The following LRRC28 variants were observed in gnomAD, a reference collection of about 807,000 sequenced individuals.
LRRC28 encodes the protein leucine rich repeat containing 28, also known as leucine-rich repeat-containing protein 28.
Under a neutral mutation model 45.7 loss-of-function variants are expected in LRRC28, and 39 were observed. That is an observed-to-expected ratio of 0.85 (90% CI 0.66 to 1.12). The LOEUF (loss-of-function observed/expected upper bound fraction) is 1.12, where lower values mean the gene tolerates loss of function less well. LRRC28 is among the 50% of genes most tolerant of loss of function. The pLI, the probability that LRRC28 is intolerant of heterozygous loss-of-function variation, is 0.00. For missense variants in LRRC28, 435 were observed against 438.5 expected, an observed-to-expected ratio of 0.99 and a Z score of 0.07; for synonymous variants, 206 against 178.8, an observed-to-expected ratio of 1.15 and a Z score of -1.22.
chr15:99,268,104 A>T (rs2152143431), intron 2 of LRRC28, among the ~76,000 whole-genome samples: 1 of 152,294 alleles, frequency 6.6e-6, no homozygotes, highest in African/African-American at 2.4e-5. Flanking sequence ...AATTCTGTAG[A>T]TATTTATTGA....
intron 9 of LRRC28, among the ~76,000 whole-genome samples, chr15:99,381,489 A>G (rs186065780): frequency 3.1e-4 from 47 of 152,228 alleles, no homozygotes; most frequent in Admixed American, 6.5e-4. Context: ...TTCCTCCTTT[A>G]GCTTGGAGAA....
rs931936755 is a variant in LRRC28 at position 99,389,133 on chromosome 15, A to T, written c.*3031A>T. The T allele has an allele frequency of 6.6e-6, 1 of 152,184 alleles. No homozygotes were observed. The highest frequency in any genetic ancestry group is 1.5e-5 in the Non-Finnish European group (1 of 68,028). 9.4% of individuals were successfully genotyped at this position (152,184 alleles called of 1,614,324 possible). A position where few individuals can be genotyped will look rare whatever the true frequency, so the allele number is the denominator to read the frequency against. On this transcript the variant is annotated 3_prime_UTR_variant, in exon 10 of 10. Coordinates refer to ENST00000301981, the MANE Select transcript of LRRC28 (RefSeq NM_144598.5). ...GATAAGAGTGATGAACTTCTTTGTTACCTGACCCTTCTCTTCTGGAAAAGT... is the reference window on the plus strand; with the variant it reads ...GATAAGAGTGATGAACTTCTTTGTTTCCTGACCCTTCTCTTCTGGAAAAGT...
intron 3 of LRRC28, chr15:99,285,264 T>C: frequency 1.4e-6 from 1 of 735,074 alleles, no homozygotes; most frequent in Non-Finnish European, 2.5e-6. Context: ...ACAAATATCT[T>C]TTTCACAGTT....
rs571903360 is a variant in LRRC28, at chr15:99,297,424, A to ATT, written c.385+9491_385+9492dup. On this transcript the variant is annotated intron_variant, in intron 5 of 9. Transcript: ENST00000301981. Reference sequence around the variant, plus strand: ...CACCATGCCTGGCTAATTTTCTTTAATTTTTTTTTTTTTTTTTTTGGTAGA... The same window carrying ATT: ...CACCATGCCTGGCTAATTTTCTTTAATTTTTTTTTTTTTTTTTTTTTGGTAGA... 311 of 120,322 alleles carry ATT rather than the reference A, an allele frequency of 2.6e-3. 4 individuals are homozygous for ATT. The highest frequency in any genetic ancestry group is 0.02 in the South Asian group (73 of 3,730). The allele number at this position is 120,322 out of a possible 1,614,324, so 7.5% of individuals were successfully genotyped here. A position where few individuals can be genotyped will look rare whatever the true frequency, so the allele number is the denominator to read the frequency against.
At chr15:99,341,012 T>C (rs1956488262) in intron 6 of LRRC28, among the ~76,000 whole-genome samples, 1 of 152,130 alleles carries the variant, frequency 6.6e-6, no homozygotes, top group African/African-American at 2.4e-5. Flanking sequence ...GCTCTGTCTT[T>C]TTCTAAGTAT....
At chr15:99,282,176 G>GTTTTTTTTTTTTTTTTTT (rs1476287973) in intron 3 of LRRC28, among the ~76,000 whole-genome samples, 2 of 33,866 alleles carry the variant, frequency 5.9e-5, no homozygotes, top group South Asian at 7.9e-4. Context: ...AATTTTTGGA[G>GTTTTTTTTTTTTTTTTTT]GTTTTTTTTT....
intron 5 of LRRC28, among the ~76,000 whole-genome samples, chr15:99,304,710 G>A (rs185036810): frequency 6.7e-4 from 102 of 152,136 alleles, no homozygotes; most frequent in South Asian, 1.5e-3. Flanking sequence ...GCCTCTCAAA[G>A]TGCTGGGATT....
chr15:99,315,670 A>G (rs1475498311), intron 5 of LRRC28, among the ~76,000 whole-genome samples: 1 of 152,188 alleles, frequency 6.6e-6, no homozygotes, highest in East Asian at 1.9e-4. Context: ...GTAATGAAGG[A>G]GGCCATATAG....
At chr15:99,338,313 A>G (rs574684679) in intron 6 of LRRC28, 1 of 152,522 alleles carries the variant, frequency 6.6e-6, no homozygotes, top group South Asian at 2.1e-4. Context: ...TTTCTGAAAA[A>G]CCAAAGCCAT....
chr15:99,295,287 A>G (rs78502689), intron 5 of LRRC28, among the ~76,000 whole-genome samples: 5,882 of 152,238 alleles, frequency 0.039, 224 homozygotes, highest in African/African-American at 0.099. Context: ...GCTTTTCCCT[A>G]CACCTGGCAT....
chr15:99,356,333 G>A (rs1957046502), intron 7 of LRRC28, among the ~76,000 whole-genome samples: 2 of 152,032 alleles, frequency 1.3e-5, no homozygotes, highest in South Asian at 4.2e-4. Flanking sequence ...ATGAAGTAAT[G>A]AATGAAAAGG....
intron 5 of LRRC28, chr15:99,332,095 T>C (rs1204276778): frequency 6.6e-6 from 1 of 152,218 alleles, no homozygotes; most frequent in East Asian, 1.9e-4. Context: ...GTTCTTTTTC[T>C]TTTTTCTTTG....
intron 2 of LRRC28, chr15:99,259,756 T>C (rs2081138972): frequency 1.4e-6 from 2 of 1,398,548 alleles, no homozygotes; most frequent in East Asian, 2.3e-5. Flanking sequence ...TGGATCTTGC[T>C]GTGGTTTTGT....
intron 3 of LRRC28, among the ~76,000 whole-genome samples, chr15:99,277,523 G>A (rs926975145): frequency 5.9e-5 from 9 of 152,050 alleles, no homozygotes; most frequent in African/African-American, 2.2e-4. Flanking sequence ...CACACCTAAG[G>A]AAAGTAATAT....
intron 9 of LRRC28, among the ~76,000 whole-genome samples, chr15:99,370,513 C>A (rs1161066671): frequency 6.6e-6 from 1 of 151,800 alleles, no homozygotes; most frequent in Admixed American, 6.6e-5. Context: ...ATGAGGTAGT[C>A]AGGTGGAAGG....
chr15:99,316,944 C>T (rs1955616181), intron 5 of LRRC28, among the ~76,000 whole-genome samples: 1 of 151,634 alleles, frequency 6.6e-6, no homozygotes, highest in Non-Finnish European at 1.5e-5. Context: ...CTCCAGCAAT[C>T]CTTCTCCTTG....
chr15:99,321,545 G>GCAA (rs1955798083), intron 5 of LRRC28, among the ~76,000 whole-genome samples: 1 of 152,106 alleles, frequency 6.6e-6, no homozygotes, highest in Non-Finnish European at 1.5e-5. Context: ...TGTTAAATGT[G>GCAA]CAACAAACCT....
chr15:99,264,101 C>T lies in LRRC28; in HGVS notation c.168+7976C>T, dbSNP rs182015655. ...AGAAGGGTGCTGCTCATAGGCCTAG[C>T]CACCATGAGAACACACAGAACAAAG... On this transcript the variant is annotated intron_variant, in intron 2 of 9. Coordinates refer to ENST00000301981, the MANE Select transcript of LRRC28 (RefSeq NM_144598.5). 8.5e-5 allele frequency among the ~76,000 whole-genome samples: 13 copies of T among 152,294 alleles called. No homozygotes were observed. The East Asian group carries it at 1.5e-3, about 18-fold the overall frequency.
chr15:99,381,591 G>A (rs1325039892), intron 9 of LRRC28, among the ~76,000 whole-genome samples: 3 of 152,238 alleles, frequency 2.0e-5, no homozygotes, highest in Non-Finnish European at 4.4e-5. Flanking sequence ...GTGTTCCTTT[G>A]GAGGGGGAGA....
Sources: allele counts gnomAD v4.1 joint callset (sites outside exome capture counted in the v4.1 genomes callset), GRCh38; gene constraint gnomAD v4.1.1; transcripts MANE v1.5; gene names NCBI Gene and HGNC (gene_info 2026-07-23, HGNC 2026-07-21).